Variants in TENM4 observed in about 807,000 individuals in gnomAD.
The protein encoded by TENM4 is teneurin transmembrane protein 4.
A neutral mutation model predicts 243.3 loss-of-function variants in TENM4; 82 were observed. The observed-to-expected ratio is 0.34, with a 90% CI of 0.28 to 0.40. TENM4 has a LOEUF of 0.40. TENM4 is among the 10% of genes least tolerant of loss of function. TENM4 has a pLI of 1.00. For synonymous variants in TENM4, 1,412 were observed against 1,456.3 expected (o/e 0.97, Z 0.69); for missense variants, 3,138 against 3,673.3 (o/e 0.85, Z 3.77).
At chr11:79,077,117 C>T (rs891733659) in intron 4 of TENM4, among the ~76,000 whole-genome samples, 14 of 152,292 alleles carry the variant, frequency 9.2e-5, no homozygotes, top group Non-Finnish European at 1.2e-4. Flanking sequence ...TCCAAGGAGG[C>T]GTCATAGGAG....
At chr11:78,736,475 TGTGTGC>T (rs1449963338) in intron 20 of TENM4, among the ~76,000 whole-genome samples, 3 of 131,644 alleles carry the variant, frequency 2.3e-5, no homozygotes, top group Admixed American at 7.1e-5. Context: ...TGTGTGTGTG[TGTGTGC>T]GCGCGCGTGC....
At chr11:79,164,858 C>T (rs952708847) in intron 3 of TENM4, among the ~76,000 whole-genome samples, 2 of 151,718 alleles carry the variant, frequency 1.3e-5, no homozygotes, top group African/African-American at 4.8e-5. Context: ...TGAGGCCTCC[C>T]TAGCCATGTG....
chr11:79,114,510 A>G (rs1861576474), intron 4 of TENM4, among the ~76,000 whole-genome samples: 1 of 152,240 alleles, frequency 6.6e-6, no homozygotes, highest in African/African-American at 2.4e-5. Context: ...TCTACATGAC[A>G]AAATATAAAT....
intron 1 of TENM4, among the ~76,000 whole-genome samples, chr11:79,435,863 A>C (rs901962373): frequency 2.0e-5 from 3 of 152,208 alleles, no homozygotes; most frequent in African/African-American, 7.2e-5. Context: ...ATTTGGAAAT[A>C]TCGGGTTATG....
Position 78,738,495 on chromosome 11 carries a change from G to T in TENM4, c.2832C>A (p.Val944=). 1 of 1,613,892 alleles carries T rather than the reference G, an allele frequency of 6.2e-7. No homozygotes were observed. Among genetic ancestry groups the T allele is most frequent in the South Asian group, 1.1e-5 (1 of 91,050 alleles). ...TPLVGVNISF[V]NNPLFGYTIS... is the part of the protein sequence containing the mutation. ...TTGTATATCCAAAGAGAGGGTTATT[G>T]ACAAAACTGATGTTCACACCAACCA... is the stretch of plus-strand genomic sequence containing the variant. Residue 944 remains valine, a synonymous_variant, in exon 20 of 34, where the codon GTC becomes GTA. Transcript: ENST00000278550.
At chr11:79,175,654 G>A (rs1349824948) in intron 3 of TENM4, among the ~76,000 whole-genome samples, 1 of 152,200 alleles carries the variant, frequency 6.6e-6, no homozygotes, top group Non-Finnish European at 1.5e-5. Flanking sequence ...TATATTTACA[G>A]AGCTCAACGG....
chr11:78,938,276 T>C (rs1163987887), intron 6 of TENM4, among the ~76,000 whole-genome samples: 2 of 152,234 alleles, frequency 1.3e-5, no homozygotes, highest in East Asian at 3.8e-4. Context: ...TTTTTTATTT[T>C]GAAATAATTT....
intron 4 of TENM4, among the ~76,000 whole-genome samples, chr11:79,095,047 A>G (rs545039384): frequency 6.6e-6 from 1 of 151,742 alleles, no homozygotes; most frequent in Middle Eastern, 3.4e-3. Context: ...CATGTCCAAG[A>G]TCTTGCATCA....
At chr11:79,155,221 G>A in intron 3 of TENM4, among the ~76,000 whole-genome samples, 1 of 152,170 alleles carries the variant, frequency 6.6e-6, no homozygotes, top group East Asian at 1.9e-4. Flanking sequence ...GCCAATGGAG[G>A]TGGGGCACAC....
intron 12 of TENM4, among the ~76,000 whole-genome samples, chr11:78,835,401 G>T (rs1368486753): frequency 3.3e-5 from 5 of 152,276 alleles, no homozygotes; most frequent in African/African-American, 9.6e-5. Flanking sequence ...AGCTACTGGG[G>T]AGGCTGAGGC....
intron 6 of TENM4, among the ~76,000 whole-genome samples, chr11:78,998,486 T>C (rs976729648): frequency 1.3e-5 from 2 of 152,096 alleles, no homozygotes; most frequent in African/African-American, 4.8e-5. Context: ...TTGACAAAAT[T>C]GACAAAAATA....
At chr11:78,874,211 G>A (rs190186968) in intron 9 of TENM4, among the ~76,000 whole-genome samples, 71 of 152,230 alleles carry the variant, frequency 4.7e-4, no homozygotes, top group African/African-American at 1.5e-3. Context: ...CAACAGGGAA[G>A]TCACTTAACC....
At chr11:78,769,258 T>C (rs1012676339) in intron 18 of TENM4, among the ~76,000 whole-genome samples, 2 of 152,348 alleles carry the variant, frequency 1.3e-5, no homozygotes, top group Middle Eastern at 3.4e-3. Flanking sequence ...AGAGCAAATA[T>C]AAATACACTT....
rs1288899440 is a variant in TENM4, at chr11:79,333,742, G to C, written c.-320-36199C>G. On this transcript the variant is annotated intron_variant, in intron 1 of 33. Coordinates refer to ENST00000278550, the MANE Select transcript of TENM4 (RefSeq NM_001098816.3). The stretch of plus-strand genomic sequence containing the variant: ...ATATCTATGAAGCCAATTGTACGTA[G>C]TAAAGATTTTATCAACATCTTACAT... Among the ~76,000 whole-genome samples, 3 of 152,198 alleles carry C rather than the reference G, an allele frequency of 2.0e-5. No homozygotes were observed. In the East Asian group the frequency reaches 5.8e-4, roughly 29 times the overall value.
rs527716567 is a variant in TENM4, at chr11:78,927,602, G to A, written c.494-24079C>T. On this transcript the variant is annotated intron_variant, in intron 6 of 33. Coordinates refer to ENST00000278550, the MANE Select transcript of TENM4 (RefSeq NM_001098816.3). ...GGTTTCGTACCTCCCTTTGCTCAGCGTCAGGCTGGCTCCATCTCAAAGCGC... is the reference window on the plus strand; with the variant it reads ...GGTTTCGTACCTCCCTTTGCTCAGCATCAGGCTGGCTCCATCTCAAAGCGC... 1.4e-4 allele frequency among the ~76,000 whole-genome samples: 21 copies of A among 152,302 alleles called. No homozygotes were observed. The South Asian group carries it at 3.7e-3, about 27-fold the overall frequency.
At chr11:79,306,474 T>C (rs193196868) in intron 1 of TENM4, among the ~76,000 whole-genome samples, 60 of 152,186 alleles carry the variant, frequency 3.9e-4, no homozygotes, top group African/African-American at 1.3e-3. Flanking sequence ...CTGTTGCCTG[T>C]GGTGGCTAGA....
At chr11:79,305,315 T>C (rs531367) in intron 1 of TENM4, among the ~76,000 whole-genome samples, 90,431 of 152,064 alleles carry the variant, frequency 0.59, 27,472 homozygotes, top group East Asian at 0.78. Flanking sequence ...TTCTCAAACA[T>C]CTAGCTGAGG....
chr11:79,297,236 G>A lies in TENM4; in HGVS notation c.-265+252C>T, dbSNP rs562534923. Among the ~76,000 whole-genome samples the A allele has an allele frequency of 2.6e-5, 4 of 152,266 alleles. No homozygotes were observed. In the East Asian group the frequency reaches 7.7e-4, roughly 29 times the overall value. ...GAAAGACCCAATGTTGGCCATGTAT[G>A]GCCTAAAAGGACTTCACAGACTCAC... On this transcript the variant is annotated intron_variant, in intron 2 of 33. Transcript: ENST00000278550.
chr11:78,737,839 C>T (rs1204922805), intron 20 of TENM4, among the ~76,000 whole-genome samples: 2 of 152,204 alleles, frequency 1.3e-5, no homozygotes, highest in Non-Finnish European at 2.9e-5. Flanking sequence ...TAACCACGTA[C>T]TATGCGCCAG....
Sources: allele counts gnomAD v4.1 joint callset (sites outside exome capture counted in the v4.1 genomes callset), GRCh38; gene constraint gnomAD v4.1.1; transcripts MANE v1.5; gene names NCBI Gene and HGNC (gene_info 2026-07-23, HGNC 2026-07-21).